MCC: variants seen among roughly 807,000 people sequenced by gnomAD.
The protein encoded by MCC is MCC regulator of Wnt signaling pathway.
A neutral mutation model predicts 116.2 loss-of-function variants in MCC; 90 were observed. That is an observed-to-expected ratio of 0.77 (90% confidence interval 0.65 to 0.92). MCC has a LOEUF of 0.92. Ranked by LOEUF, MCC falls within the 40% of genes least tolerant of loss-of-function variation. The probability of loss-of-function intolerance (pLI) is 0.00; values close to 1 mark genes in which losing one functional copy is unlikely to be tolerated. For synonymous variants in MCC, 578 were observed against 510.5 expected, an observed-to-expected ratio of 1.13 and a Z score of -1.78; for missense variants, 1,516 against 1,312.2, an observed-to-expected ratio of 1.16 and a Z score of -2.40.
In MCC at chr5:113,469,980, T is replaced by G. The variant is rs1274771503; in HGVS notation, c.170+18265A>C. 7.2e-5 allele frequency among the ~76,000 whole-genome samples: 11 copies of G among 152,300 alleles called. No homozygotes were observed. The East Asian group carries it at 1.9e-3, about 27-fold the overall frequency. On this transcript the variant is annotated intron_variant, in intron 1 of 18. Transcript: ENST00000408903. ...TTGATCTTTGTTGTTTAAACTCTGT[T>G]TTATCAGAGACTAGGATTGCAACCT...
chr5:113,311,525 C>T (rs1767133862), intron 3 of MCC, among the ~76,000 whole-genome samples: 1 of 152,238 alleles, frequency 6.6e-6, no homozygotes, highest in Non-Finnish European at 1.5e-5. Flanking sequence ...CCAGGCTTTA[C>T]AGTCAAGAAC....
chr5:113,416,165 A>C (rs1193846590), intron 1 of MCC, among the ~76,000 whole-genome samples: 2 of 152,190 alleles, frequency 1.3e-5, no homozygotes, highest in Non-Finnish European at 2.9e-5. Context: ...TGCAGACCAG[A>C]GCTGTTCCTA....
chr5:113,256,313 C>T (rs536757804), intron 3 of MCC, among the ~76,000 whole-genome samples: 9 of 152,288 alleles, frequency 5.9e-5, no homozygotes, highest in African/African-American at 1.9e-4. Flanking sequence ...AAATGAGTAT[C>T]TACTATATCA....
At chr5:113,315,052 A>G (rs1175174513) in intron 3 of MCC, among the ~76,000 whole-genome samples, 1 of 152,226 alleles carries the variant, frequency 6.6e-6, no homozygotes, top group African/African-American at 2.4e-5. Flanking sequence ...GCTCTCCATC[A>G]GTAAATAAGA....
chr5:113,485,089 G>A (rs1311403177), intron 1 of MCC, among the ~76,000 whole-genome samples: 1 of 152,162 alleles, frequency 6.6e-6, no homozygotes, highest in African/African-American at 2.4e-5. Context: ...GCAATTCCAA[G>A]AATCTAGTTA....
At chr5:113,120,820 C>T (rs1418456399) in intron 6 of MCC, among the ~76,000 whole-genome samples, 1 of 152,226 alleles carries the variant, frequency 6.6e-6, no homozygotes, top group Non-Finnish European at 1.5e-5. Flanking sequence ...TGCTTTTCTT[C>T]AGCCCAGGTC....
At chr5:113,142,184 A>G (rs894756744) in intron 5 of MCC, among the ~76,000 whole-genome samples, 2 of 152,070 alleles carry the variant, frequency 1.3e-5, no homozygotes, top group Admixed American at 1.3e-4. Flanking sequence ...TTGGTGTTGG[A>G]ACAAAATGCA....
intron 3 of MCC, among the ~76,000 whole-genome samples, chr5:113,326,654 T>C (rs1767560734): frequency 6.6e-6 from 1 of 152,234 alleles, no homozygotes; most frequent in Admixed American, 6.5e-5. Context: ...AAGTGCTATA[T>C]GAAGTTTATA....
intron 3 of MCC, among the ~76,000 whole-genome samples, chr5:113,229,079 T>C (rs972292489): frequency 2.6e-5 from 4 of 152,140 alleles, no homozygotes; most frequent in Non-Finnish European, 2.9e-5. Context: ...AGTATGGACT[T>C]AGAGGTCAGT....
intron 8 of MCC, among the ~76,000 whole-genome samples, chr5:113,096,502 C>G (rs192313389): frequency 2.0e-5 from 3 of 152,150 alleles, no homozygotes; most frequent in Non-Finnish European, 4.4e-5. Flanking sequence ...CACGGCCAAG[C>G]CCGGCTGGTA....
chr5:113,085,202 T>G lies in MCC; in HGVS notation c.1507A>C (p.Ser503Arg). ...ATGTCATTGCTGCTGCTGCTTGTGC[T>G]CAGCTCCCCAGTGCTGGGGTTAATC... The part of the protein sequence containing the change: ...RPINPSTGEL[S>R]TSSSSNDIPI... The change falls in exon 9 of 19, where the codon AGC (serine) becomes CGC (arginine). Residue 503 changes from serine to arginine, a missense_variant. Physicochemically the swap from Ser to Arg is moderately radical, Grantham distance 110 (BLOSUM62 -1). Coordinates refer to ENST00000408903, the MANE Select transcript of MCC (RefSeq NM_001085377.2). The G allele has an allele frequency of 6.2e-7, 1 of 1,614,214 alleles. No individual in the cohort carries two copies.
At chr5:113,042,891 T>G (rs1751815190) in intron 17 of MCC, among the ~76,000 whole-genome samples, 1 of 152,136 alleles carries the variant, frequency 6.6e-6, no homozygotes, top group Non-Finnish European at 1.5e-5. Flanking sequence ...TCTTTGTTCT[T>G]TTTAATGTGG....
chr5:113,341,835 T>G (rs1156994186), intron 2 of MCC, among the ~76,000 whole-genome samples: 1 of 151,730 alleles, frequency 6.6e-6, no homozygotes, highest in Non-Finnish European at 1.5e-5. Flanking sequence ...AGAAAACTTT[T>G]TTTTACATGT....
chr5:113,409,323 A>C (rs1234445518), intron 1 of MCC, among the ~76,000 whole-genome samples: 3 of 152,172 alleles, frequency 2.0e-5, no homozygotes, highest in Non-Finnish European at 4.4e-5. Flanking sequence ...ACAAAAACGC[A>C]ACATCCACAG....
At chr5:113,228,595 T>A (rs1392259225) in intron 3 of MCC, among the ~76,000 whole-genome samples, 4 of 151,798 alleles carry the variant, frequency 2.6e-5, no homozygotes, top group Admixed American at 2.0e-4. Context: ...GTGGTAGGGG[T>A]AGGGTATAGA....
intron 3 of MCC, among the ~76,000 whole-genome samples, chr5:113,287,625 C>G (rs1766315471): frequency 1.3e-5 from 2 of 152,140 alleles, no homozygotes; most frequent in South Asian, 4.1e-4. Flanking sequence ...ACGCCCAGCC[C>G]ATCAACAGCT....
chr5:113,192,863 C>G (rs1252569476), intron 3 of MCC, among the ~76,000 whole-genome samples: 1 of 152,188 alleles, frequency 6.6e-6, no homozygotes, highest in East Asian at 1.9e-4. Flanking sequence ...TTCCATTAGG[C>G]CTTGGGATTG....
intron 3 of MCC, chr5:113,203,216 T>G (rs1055386441): frequency 6.6e-6 from 1 of 152,388 alleles, no homozygotes; most frequent in East Asian, 1.9e-4. Context: ...GCTGGGCCAG[T>G]TGCCCCGCTT....
At chr5:113,168,916 C>G (rs1302138735) in intron 3 of MCC, among the ~76,000 whole-genome samples, 1 of 152,080 alleles carries the variant, frequency 6.6e-6, no homozygotes, top group Admixed American at 6.6e-5. Context: ...GGCATCAGCC[C>G]CCATGATATC....
Sources: gnomAD v4.1 joint callset for allele counts (sites outside exome capture counted in the v4.1 genomes callset) on GRCh38, gnomAD v4.1.1 for gene constraint, MANE v1.5 for transcripts, NCBI Gene and HGNC (gene_info 2026-07-23, HGNC 2026-07-21) for gene names.